The following DSCAM variants were observed in gnomAD, a reference collection of about 807,000 sequenced individuals.
DSCAM encodes the protein DS cell adhesion molecule.
In DSCAM, 47 loss-of-function variants were observed where a neutral mutation model predicts 217.7. The observed-to-expected ratio is 0.22, with a 90% CI of 0.17 to 0.28. DSCAM has a LOEUF of 0.28. Ranked by LOEUF, DSCAM falls within the 10% of genes least tolerant of loss-of-function variation. The pLI is 1.00. For synonymous variants in DSCAM, 1,056 were observed against 1,015.3 expected (o/e 1.04, Z -0.76); for missense variants, 2,080 against 2,618.3 (o/e 0.79, Z 4.49).
At chr21:40,549,398 A>T (rs950201959) in intron 3 of DSCAM, among the ~76,000 whole-genome samples, 20 of 152,180 alleles carry the variant, frequency 1.3e-4, no homozygotes, top group African/African-American at 4.8e-4. Flanking sequence ...GAGATAAAAA[A>T]AAACAACAAT....
At chr21:40,160,732 G>A (rs1269595288) in intron 16 of DSCAM, among the ~76,000 whole-genome samples, 3 of 152,138 alleles carry the variant, frequency 2.0e-5, no homozygotes, top group Admixed American at 2.0e-4. Context: ...TTTAAATCAG[G>A]CAAATACAAT....
chr21:40,316,295 GTAAAT>G (rs1044695776), intron 8 of DSCAM, among the ~76,000 whole-genome samples: 3 of 152,202 alleles, frequency 2.0e-5, no homozygotes, highest in Admixed American at 6.6e-5. Context: ...CATTGTTAAT[GTAAAT>G]TAAATCACAA....
At chr21:40,771,319 C>G (rs553158647) in intron 1 of DSCAM, among the ~76,000 whole-genome samples, 1 of 152,172 alleles carries the variant, frequency 6.6e-6, no homozygotes, top group Non-Finnish European at 1.5e-5. Flanking sequence ...GCTGTCATAA[C>G]GCAGTTCTGA....
intron 3 of DSCAM, among the ~76,000 whole-genome samples, chr21:40,611,057 ATTT>A (rs527262141): frequency 3.9e-5 from 5 of 129,782 alleles, no homozygotes; most frequent in Non-Finnish European, 4.8e-5. Flanking sequence ...TTAGTTTTCA[ATTT>A]TTTTTTTTTT....
chr21:40,461,568 G>A lies in DSCAM; in HGVS notation c.509-92323C>T, dbSNP rs1050103629. 7.2e-5 allele frequency among the ~76,000 whole-genome samples: 11 copies of A among 152,196 alleles called. No individual in the cohort carries two copies. In the East Asian group the frequency reaches 7.7e-4, roughly 11 times the overall value. ...GTCTGGGGGGAGGCAGGTGTGACAG[G>A]TAGAATAATGTCCCAATCCCCCCAC... On this transcript the variant is annotated intron_variant, in intron 3 of 32. Transcript: ENST00000400454.
intron 3 of DSCAM, among the ~76,000 whole-genome samples, chr21:40,408,762 C>T (rs9975338): frequency 0.37 from 55,849 of 152,058 alleles, 12,162 homozygotes; most frequent in Non-Finnish European, 0.48. Flanking sequence ...GCTGGAGTGA[C>T]GTGTTCACTC....
chr21:40,426,699 C>T (rs1255926735), intron 3 of DSCAM, among the ~76,000 whole-genome samples: 1 of 152,098 alleles, frequency 6.6e-6, no homozygotes, highest in Non-Finnish European at 1.5e-5. Context: ...AGGGCTGGAG[C>T]CTAGGAAAGA....
chr21:40,189,094 C>T lies in DSCAM; in HGVS notation c.2501G>A (p.Arg834His), dbSNP rs369024146. 128 of 1,613,960 alleles carry T rather than the reference C, an allele frequency of 7.9e-5. No homozygotes were observed. Among genetic ancestry groups the T allele is most frequent in the African/African-American group, 1.3e-4 (10 of 74,884 alleles). Residue 834 changes from arginine (R) to histidine (H), a missense_variant, in exon 12 of 33, where the codon CGT (arginine) becomes CAT (histidine). Physicochemically the swap from Arg to His is conservative, Grantham distance 29 (BLOSUM62 0). This residue lies in a region of DSCAM where 1,144 missense variants were observed against 1,421.1 expected (regional missense o/e 0.81). Transcript: ENST00000400454. ...EDRIINPEMA[R>H]YLVSTKEVGE... is the part of the protein sequence containing the mutation. ...CACCTCCTTGGTGGACACAAGATAA[C>T]GGGCCATCTCAGGGTTAATGATTCG...
intron 20 of DSCAM, among the ~76,000 whole-genome samples, chr21:40,121,881 G>T (rs1366562309): frequency 6.6e-6 from 1 of 151,606 alleles, no homozygotes; most frequent in Non-Finnish European, 1.5e-5. Flanking sequence ...TTGTAGAGGC[G>T]GAGTTTCATA....
intron 1 of DSCAM, among the ~76,000 whole-genome samples, chr21:40,726,908 TAAG>T (rs1364994899): frequency 6.6e-6 from 1 of 152,106 alleles, no homozygotes; most frequent in East Asian, 1.9e-4. Context: ...GGTGACTTTA[TAAG>T]AAGAGGAGGA....
At chr21:40,167,361 G>A in intron 15 of DSCAM, 73 bp from the exon 16 acceptor site, 10 of 1,391,246 alleles carry the variant, frequency 7.2e-6, no homozygotes, top group Non-Finnish European at 1.0e-5. Flanking sequence ...ACAGCCAAAG[G>A]TGGTCCCCGA....
chr21:40,428,234 TTGTGTGTGTG>T (rs71186936), intron 3 of DSCAM, among the ~76,000 whole-genome samples: 6,851 of 129,226 alleles, frequency 0.053, 217 homozygotes, highest in African/African-American at 0.09. Flanking sequence ...GGCAAATACT[TTGTGTGTGTG>T]TGTGTGTGTG....
rs1173385512 is a variant in DSCAM at position 40,013,005 on chromosome 21, T to C, written c.*29A>G. The stretch of plus-strand genomic sequence containing the variant: ...TTTGATTGAATTGTTTGAATTGTAT[T>C]TACAACCGCTGTCCAGTCATGCTGT... On this transcript the variant is annotated 3_prime_UTR_variant, in exon 33 of 33. Transcript: ENST00000400454. The C allele has an allele frequency of 7.3e-7, 1 of 1,364,424 alleles. No individual in the cohort carries two copies. The highest frequency in any genetic ancestry group is 9.6e-7 in the Non-Finnish European group (1 of 1,045,702). 84.5% of individuals were successfully genotyped at this position (1,364,424 alleles called of 1,614,324 possible).
chr21:40,781,496 C>A (rs1479045219), intron 1 of DSCAM, among the ~76,000 whole-genome samples: 1 of 152,172 alleles, frequency 6.6e-6, no homozygotes, highest in African/African-American at 2.4e-5. Context: ...GATTTGTTTT[C>A]AACCACACGT....
intron 1 of DSCAM, among the ~76,000 whole-genome samples, chr21:40,734,276 G>A (rs539555625): frequency 1.3e-5 from 2 of 152,194 alleles, no homozygotes; most frequent in South Asian, 4.2e-4. Flanking sequence ...CAAGCTACGG[G>A]GCTACAAGAG....
intron 1 of DSCAM, among the ~76,000 whole-genome samples, chr21:40,710,595 C>T (rs2837790): frequency 0.066 from 10,076 of 152,062 alleles, 330 homozygotes; most frequent in African/African-American, 0.093. Context: ...TTTCTCTTTT[C>T]GCTTCTACAA....
chr21:40,584,816 G>T (rs2076931850), intron 3 of DSCAM, among the ~76,000 whole-genome samples: 1 of 152,200 alleles, frequency 6.6e-6, no homozygotes, highest in Non-Finnish European at 1.5e-5. Context: ...CACTGATACA[G>T]TTTGGATGTC....
chr21:40,572,775 G>A (rs1301419373), intron 3 of DSCAM, among the ~76,000 whole-genome samples: 3 of 152,070 alleles, frequency 2.0e-5, no homozygotes, highest in Admixed American at 6.6e-5. Context: ...AGCACTAAAG[G>A]AAGAATGTTG....
chr21:40,422,467 T>A (rs2075433667), intron 3 of DSCAM, among the ~76,000 whole-genome samples: 1 of 111,656 alleles, frequency 9.0e-6, no homozygotes, highest in Admixed American at 8.9e-5. Flanking sequence ...CCATCTCTAC[T>A]AAAAAAAAAT....
Sources: gnomAD v4.1 joint callset for allele counts (sites outside exome capture counted in the v4.1 genomes callset) on GRCh38, gnomAD v4.1.1 for gene constraint, gnomAD v4.1.1 regional missense constraint, MANE v1.5 for transcripts, NCBI Gene and HGNC (gene_info 2026-07-23, HGNC 2026-07-21) for gene names.